ADAM18: variants seen among roughly 807,000 people sequenced by gnomAD.
ADAM18 encodes ADAM metallopeptidase domain 18.
Under a neutral mutation model 94.4 loss-of-function variants are expected in ADAM18, and 117 were observed. The observed-to-expected ratio is 1.24, with a 90% CI of 1.07 to 1.45. The LOEUF is 1.45. Ranked by LOEUF, ADAM18 falls within the 40% of genes most tolerant of loss-of-function variation. The pLI, the probability that ADAM18 is intolerant of heterozygous loss-of-function variation, is 0.00. For synonymous variants in ADAM18, 327 were observed against 291.6 expected (o/e 1.12, Z -1.24); for missense variants, 936 against 880.0 (o/e 1.06, Z -0.81).
chr8:39,652,874 T>G (rs911347150), intron 12 of ADAM18, among the ~76,000 whole-genome samples: 4 of 152,078 alleles, frequency 2.6e-5, no homozygotes, highest in Non-Finnish European at 4.4e-5. Flanking sequence ...TTCCTGTAGT[T>G]GGTGACAACA....
chr8:39,597,987 C>T (rs1193855912), intron 2 of ADAM18, among the ~76,000 whole-genome samples: 3 of 152,056 alleles, frequency 2.0e-5, no homozygotes, highest in Non-Finnish European at 4.4e-5. Flanking sequence ...AGATGTTGTA[C>T]ATATTTTGCT....
chr8:39,630,505 A>G (rs1444314959), intron 7 of ADAM18, among the ~76,000 whole-genome samples: 3 of 151,926 alleles, frequency 2.0e-5, no homozygotes, highest in Non-Finnish European at 4.4e-5. Context: ...CATTTAGCAG[A>G]TAAATATAAT....
intron 6 of ADAM18, among the ~76,000 whole-genome samples, chr8:39,625,200 G>C (rs1184551987): frequency 2.0e-5 from 3 of 152,068 alleles, no homozygotes; most frequent in Non-Finnish European, 4.4e-5. Context: ...AGTTTTTTCT[G>C]CTATCTAGGA....
intron 2 of ADAM18, among the ~76,000 whole-genome samples, chr8:39,586,583 T>C (rs1314036691): frequency 2.0e-5 from 3 of 152,044 alleles, no homozygotes; most frequent in African/African-American, 7.2e-5. Flanking sequence ...ATAACTTAAC[T>C]GGGTGTGGTG....
intron 2 of ADAM18, among the ~76,000 whole-genome samples, chr8:39,595,007 T>A (rs767058374): frequency 1.6e-4 from 25 of 152,044 alleles, no homozygotes; most frequent in Non-Finnish European, 2.6e-4. Context: ...TCCCCGAAGC[T>A]CTGTGCATTT....
chr8:39,586,755 ACTATCTATCTATCTAT>A lies in ADAM18; in HGVS notation c.132+1436_132+1451del, dbSNP rs35604090. ...AAAACAAAAAACAAACAAACAAAAA[ACTATCTATCTATCTAT>A]CTATCTATCTATCTATCTATCTATC... On this transcript the variant is annotated intron_variant, in intron 2 of 19. Coordinates refer to ENST00000265707, the MANE Select transcript of ADAM18 (RefSeq NM_014237.3). 9.8e-3 allele frequency among the ~76,000 whole-genome samples: 1,452 copies of A among 147,540 alleles called. 10 individuals carry two copies. Among genetic ancestry groups the A allele is most frequent in the African/African-American group, 0.024 (947 of 40,100 alleles).
intron 17 of ADAM18, among the ~76,000 whole-genome samples, chr8:39,701,931 T>G (rs1822090952): frequency 6.6e-6 from 1 of 152,210 alleles, no homozygotes; most frequent in African/African-American, 2.4e-5. Flanking sequence ...CTATTGTGAC[T>G]AGTGCTGCAA....
intron 16 of ADAM18, among the ~76,000 whole-genome samples, chr8:39,680,799 A>T (rs988513331): frequency 2.0e-5 from 3 of 152,248 alleles, no homozygotes; most frequent in South Asian, 2.1e-4. Context: ...TGTTCCAGAA[A>T]ACATGATAAT....
intron 12 of ADAM18, among the ~76,000 whole-genome samples, chr8:39,661,234 G>T (rs2129579999): frequency 6.8e-6 from 1 of 147,838 alleles, no homozygotes; most frequent in East Asian, 2.0e-4. Context: ...CTCACTGCAG[G>T]CTCCGCCTCC....
chr8:39,663,701 G>A (rs1224518493), intron 12 of ADAM18, 94 bp from the exon 13 acceptor site: 9 of 577,436 alleles, frequency 1.6e-5, no homozygotes, highest in Admixed American at 3.1e-5. Context: ...CTACAAGTTT[G>A]TACACAACAG....
In ADAM18 at chr8:39,641,919, T is replaced by C. The variant is rs554047441; in HGVS notation, c.909+3373T>C. On this transcript the variant is annotated intron_variant, in intron 10 of 19. Coordinates refer to ENST00000265707, the MANE Select transcript of ADAM18 (RefSeq NM_014237.3). ...CTCTTTCTCCACAACCTCTCCAGCA[T>C]CTGTTATTTTTTGACTTTTTAGTAA... Among the ~76,000 whole-genome samples, 5 of 152,164 alleles carry C rather than the reference T, an allele frequency of 3.3e-5. No homozygotes were observed. The South Asian group carries it at 6.2e-4, about 19-fold the overall frequency.
intron 18 of ADAM18, among the ~76,000 whole-genome samples, chr8:39,707,928 G>C (rs769501542): frequency 3.9e-5 from 6 of 152,116 alleles, no homozygotes; most frequent in Admixed American, 3.9e-4. Flanking sequence ...TTGGGATCAT[G>C]ATGAAGTAAA....
intron 5 of ADAM18, 57 bp from the exon 6 acceptor site, chr8:39,610,472 G>A (rs1819238242): frequency 6.7e-7 from 1 of 1,493,350 alleles, no homozygotes; most frequent in Non-Finnish European, 9.0e-7. Context: ...TTATCATTTT[G>A]AAGGGATCAT....
chr8:39,673,536 C>CA (rs779953569), intron 14 of ADAM18, among the ~76,000 whole-genome samples: 26 of 150,806 alleles, frequency 1.7e-4, no homozygotes, highest in Non-Finnish European at 3.0e-4. Context: ...TCTCATTGTT[C>CA]AATTCCCACC....
At chr8:39,659,420 A>G (rs1271748747) in intron 12 of ADAM18, among the ~76,000 whole-genome samples, 2 of 152,118 alleles carry the variant, frequency 1.3e-5, no homozygotes, top group African/African-American at 4.8e-5. Flanking sequence ...TGTGTGATAT[A>G]TTATGAAAGA....
chr8:39,708,227 G>C (rs1488250732), intron 18 of ADAM18, among the ~76,000 whole-genome samples: 2 of 152,150 alleles, frequency 1.3e-5, no homozygotes, highest in Non-Finnish European at 2.9e-5. Flanking sequence ...GTAGATAAGG[G>C]GGAGTGACTA....
At chr8:39,624,106 T>A (rs1344592290) in intron 6 of ADAM18, among the ~76,000 whole-genome samples, 3 of 152,202 alleles carry the variant, frequency 2.0e-5, no homozygotes, top group Non-Finnish European at 2.9e-5. Flanking sequence ...CTTTAGGTTG[T>A]CTGTTTGTTC....
chr8:39,638,719 T>C (rs1057178743), intron 10 of ADAM18, among the ~76,000 whole-genome samples, 173 bp downstream of exon 10: 5 of 151,864 alleles, frequency 3.3e-5, no homozygotes, highest in African/African-American at 1.2e-4. Flanking sequence ...AGTTTATTTA[T>C]TTATAAAGTT....
chr8:39,617,536 A>T lies in ADAM18; in HGVS notation c.522+6830A>T, dbSNP rs556884716. Among the ~76,000 whole-genome samples the T allele has an allele frequency of 3.3e-5, 5 of 152,356 alleles. No individual in the cohort carries two copies. The East Asian group carries it at 9.6e-4, about 29-fold the overall frequency. On this transcript the variant is annotated intron_variant, in intron 6 of 19. Coordinates refer to ENST00000265707, the MANE Select transcript of ADAM18 (RefSeq NM_014237.3). ...CATTCCACCATAAAAACACATGCAC[A>T]CATATACTTATCATAGTACTATTCA...
Sources: allele counts gnomAD v4.1 joint callset (sites outside exome capture counted in the v4.1 genomes callset), GRCh38; gene constraint gnomAD v4.1.1; transcripts MANE v1.5; gene names NCBI Gene and HGNC (gene_info 2026-07-23, HGNC 2026-07-21).